TFDP1: variants seen among roughly 807,000 people sequenced by gnomAD.
TFDP1 encodes transcription factor Dp-1.
A neutral mutation model predicts 48.0 loss-of-function variants in TFDP1; 6 were observed. The observed-to-expected ratio is 0.13, with a 90% confidence interval of 0.07 to 0.25. The LOEUF is 0.25. Among genes scored for constraint, TFDP1 ranks in the 10% least tolerant of loss-of-function variants. The pLI, the probability that TFDP1 is intolerant of heterozygous loss-of-function variation, is 1.00. For synonymous variants in TFDP1, 201 were observed against 211.6 expected (o/e 0.95, Z 0.44); for missense variants, 335 against 543.0 (o/e 0.62, Z 3.81).
At chr13:113,588,196 G>A (rs931445992) in intron 2 of TFDP1, among the ~76,000 whole-genome samples, 6 of 152,242 alleles carry the variant, frequency 3.9e-5, no homozygotes, top group African/African-American at 1.2e-4. Flanking sequence ...AAAACCACAG[G>A]TGTATGTCAA....
At chr13:113,606,886 C>T (rs544669571) in intron 2 of TFDP1, among the ~76,000 whole-genome samples, 1 of 148,100 alleles carries the variant, frequency 6.8e-6, no homozygotes. Flanking sequence ...AGGAACCCAC[C>T]GTGTGGTTTC....
chr13:113,594,709 C>T (rs1049683649), intron 2 of TFDP1, among the ~76,000 whole-genome samples: 2 of 152,356 alleles, frequency 1.3e-5, no homozygotes, highest in South Asian at 2.1e-4. Context: ...GAGTGACCTG[C>T]GTGTGCTGGT....
At chr13:113,629,690 G>A (rs9549818) in intron 4 of TFDP1, among the ~76,000 whole-genome samples, 1,847 of 152,308 alleles carry the variant, frequency 0.012, 19 homozygotes, top group Non-Finnish European at 0.02. Context: ...GGTGGATGAC[G>A]TGCATTTCGA....
Position 113,623,334 on chromosome 13 carries a change from G to A in TFDP1, c.186+48G>A, listed in dbSNP as rs1239015866. On this transcript the variant is annotated intron_variant, in intron 4 of 11. Coordinates refer to ENST00000375370, the MANE Select transcript of TFDP1 (RefSeq NM_007111.5). This position sits in a 1 kb window ranked among gnomAD's most constrained non-coding sequence, Gnocchi z 5.2. ...CAGCCGGGATCTCGGTGTGAGGTCG[G>A]GATCGGATGAGCCGTGTGGTTGGGG... The A allele has an allele frequency of 1.3e-6, 2 of 1,533,758 alleles. No individual in the cohort carries two copies. Among genetic ancestry groups the A allele is most frequent in the Non-Finnish European group, 1.8e-6 (2 of 1,128,878 alleles).
intron 4 of TFDP1, among the ~76,000 whole-genome samples, chr13:113,629,576 A>C (rs903492298): frequency 6.6e-6 from 1 of 152,148 alleles, no homozygotes; most frequent in African/African-American, 2.4e-5. Flanking sequence ...CCCACACTTG[A>C]CTAGAGTGGG....
intron 4 of TFDP1, 59 bp from the exon 5 acceptor site, chr13:113,631,564 A>C (rs1425883530): frequency 6.4e-7 from 1 of 1,569,858 alleles, no homozygotes; most frequent in Non-Finnish European, 8.6e-7. Context: ...GATGGTGGGC[A>C]TGGCACCCTC....
At chr13:113,609,862 C>T (rs1036231277) in intron 2 of TFDP1, among the ~76,000 whole-genome samples, 13 of 152,202 alleles carry the variant, frequency 8.5e-5, no homozygotes, top group East Asian at 3.8e-4. Flanking sequence ...AGCATGCTGC[C>T]GTGTGTGTGC....
intron 2 of TFDP1, among the ~76,000 whole-genome samples, chr13:113,599,688 C>T (rs910012952): frequency 2.6e-5 from 4 of 152,184 alleles, no homozygotes; most frequent in African/African-American, 9.7e-5. Context: ...TTGCGAGGCC[C>T]AAGGAGGAGG....
Position 113,631,711 on chromosome 13 carries a change from A to T in TFDP1, c.275A>T (p.Asn92Ile). 1 of 1,614,074 alleles carries T rather than the reference A, an allele frequency of 6.2e-7. No individual in the cohort carries two copies. The highest frequency in any genetic ancestry group is 8.5e-7 in the Non-Finnish European group (1 of 1,179,998). ...HTPSTHFASQ[N>I]QPSDSSPWSA... Reference sequence around the variant, plus strand: ...CCCAGCACTCACTTTGCCTCTCAGAACCAGCCTTCCGACTCCTCACCTTGG... The same window carrying T: ...CCCAGCACTCACTTTGCCTCTCAGATCCAGCCTTCCGACTCCTCACCTTGG... Residue 92 changes from asparagine (N) to isoleucine (I), a missense_variant, in exon 5 of 12, where the codon AAC (asparagine) becomes ATC (isoleucine). This residue lies in a region of TFDP1 where 103 missense variants were observed against 140.4 expected (regional missense o/e 0.73). Transcript: ENST00000375370.
intron 3 of TFDP1, among the ~76,000 whole-genome samples, chr13:113,621,650 G>A (rs1429199281): frequency 6.6e-6 from 1 of 152,248 alleles, no homozygotes; most frequent in Non-Finnish European, 1.5e-5. Flanking sequence ...CTTCTGTTAT[G>A]CCCGGACAGG....
chr13:113,611,636 G>A (rs4150735), intron 3 of TFDP1, among the ~76,000 whole-genome samples: 62,822 of 151,826 alleles, frequency 0.41, 13,639 homozygotes, highest in African/African-American at 0.53. Context: ...TCGGAGTGGT[G>A]CTGTGGTTTA....
chr13:113,636,240 T>A, intron 9 of TFDP1, 112 bp downstream of exon 9: 1 of 1,388,014 alleles, frequency 7.2e-7, no homozygotes, highest in Non-Finnish European at 9.9e-7. Context: ...ATAGCAAATG[T>A]TGCACAAATT....
chr13:113,634,922 TGTGC>T (rs1386703083), intron 8 of TFDP1, among the ~76,000 whole-genome samples: 4 of 152,064 alleles, frequency 2.6e-5, no homozygotes, highest in Non-Finnish European at 4.4e-5. Context: ...CGTGTGTGTG[TGTGC>T]ATGTGTGCAT....
At chr13:113,621,604 GA>G (rs1197007658) in intron 3 of TFDP1, among the ~76,000 whole-genome samples, 1 of 152,216 alleles carries the variant, frequency 6.6e-6, no homozygotes, top group African/African-American at 2.4e-5. Flanking sequence ...GAGCTGAGGG[GA>G]CATAGTGAGG....
intron 2 of TFDP1, among the ~76,000 whole-genome samples, chr13:113,602,448 C>G (rs1266550496): frequency 6.6e-6 from 1 of 151,454 alleles, no homozygotes; most frequent in Admixed American, 6.6e-5. Context: ...TGGTAGCAGG[C>G]GGGGCCCATC....
intron 3 of TFDP1, among the ~76,000 whole-genome samples, chr13:113,617,480 CCCTT>C (rs2048888043): frequency 7.2e-6 from 1 of 138,840 alleles, no homozygotes; most frequent in African/African-American, 3.3e-5. Flanking sequence ...ACCTGCAGAG[CCCTT>C]CACCTGCAGA....
At chr13:113,608,238 C>T (rs916681044) in intron 2 of TFDP1, among the ~76,000 whole-genome samples, 16 of 152,348 alleles carry the variant, frequency 1.1e-4, no homozygotes, top group African/African-American at 2.9e-4. Flanking sequence ...CTGTGCCACC[C>T]GGGGCAGTGC....
intron 11 of TFDP1, among the ~76,000 whole-genome samples, chr13:113,638,460 C>T (rs749380042): frequency 3.9e-4 from 59 of 151,974 alleles, no homozygotes; most frequent in South Asian, 2.1e-4. Flanking sequence ...GCGGTCTCGG[C>T]GCACGTGCTG....
chr13:113,626,928 G>T (rs570176752), intron 4 of TFDP1, among the ~76,000 whole-genome samples: 1 of 152,268 alleles, frequency 6.6e-6, no homozygotes, highest in South Asian at 2.1e-4. Context: ...GAATACACTG[G>T]GGGGAAACGA....
Sources: allele counts gnomAD v4.1 joint callset (sites outside exome capture counted in the v4.1 genomes callset), GRCh38; gene constraint gnomAD v4.1.1; regional missense constraint gnomAD v4.1.1; non-coding constraint Gnocchi (gnomAD v3.1); transcripts MANE v1.5; gene names NCBI Gene and HGNC (gene_info 2026-07-23, HGNC 2026-07-21).